TXNRD1: variants seen among roughly 807,000 people sequenced by gnomAD.
The protein encoded by TXNRD1 is thioredoxin reductase 1, also known as thioredoxin reductase 1, cytoplasmic.
TXNRD1 carries 57 observed loss-of-function variants against 80.3 expected under a neutral mutation model. The observed-to-expected ratio is 0.71, with a 90% CI of 0.57 to 0.89. The LOEUF (loss-of-function observed/expected upper bound fraction) is 0.89. TXNRD1 is among the 40% of genes least tolerant of loss of function. TXNRD1 has a pLI of 0.00. For missense variants in TXNRD1, 730 were observed against 803.0 expected (o/e 0.91, Z 1.10); for synonymous variants, 291 against 285.2 (o/e 1.02, Z -0.20).
At chr12:104,311,494 C>G (rs1315724610) in intron 5 of TXNRD1, 82 bp downstream of exon 5, 6 of 1,513,748 alleles carry the variant, frequency 4.0e-6, no homozygotes, top group Non-Finnish European at 5.3e-6. Context: ...TCTCTCCTCT[C>G]TCTGTGGAAT....
At chr12:104,262,837 CTG>C (rs1203535759) in intron 3 of TXNRD1, among the ~76,000 whole-genome samples, 1 of 151,630 alleles carries the variant, frequency 6.6e-6, no homozygotes, top group Non-Finnish European at 1.5e-5. Context: ...AGTTGAGGGC[CTG>C]TGTACTGCCT....
chr12:104,288,884 G>C (rs747716376), intron 3 of TXNRD1, 47 bp from the exon 4 acceptor site: 30 of 1,613,506 alleles, frequency 1.9e-5, no homozygotes, highest in Admixed American at 3.3e-5. Flanking sequence ...GCCTGTTAGC[G>C]GGGGAGAAGC....
chr12:104,249,316 C>A (rs2033061367), intron 1 of TXNRD1, among the ~76,000 whole-genome samples: 1 of 152,156 alleles, frequency 6.6e-6, no homozygotes, highest in African/African-American at 2.4e-5. Flanking sequence ...CTCCCAAAGG[C>A]CCCTCCTTCT....
chr12:104,326,441 AT>A lies in TXNRD1; in HGVS notation c.1385+20del. 8.6e-7 allele frequency: 1 copy of A among 1,167,100 alleles called. No homozygotes were observed. Among genetic ancestry groups the A allele is most frequent in the Non-Finnish European group, 1.2e-6 (1 of 838,730 alleles). 72.3% of individuals were successfully genotyped at this position (1,167,100 alleles called of 1,614,324 possible). On this transcript the variant is annotated intron_variant, in intron 12 of 16. Transcript: ENST00000525566. ...AATGAAAAGTAAGAAAAAAATCTTT[AT>A]TATGTCATATTTGTGGGATTTTTTT...
intron 2 of TXNRD1, among the ~76,000 whole-genome samples, chr12:104,252,959 C>T (rs1360542247): frequency 6.6e-6 from 1 of 151,732 alleles, no homozygotes; most frequent in Non-Finnish European, 1.5e-5. Flanking sequence ...GCCTCGGCCT[C>T]CCAAAGTGCT....
chr12:104,311,484 TCTCTC>T, intron 5 of TXNRD1, 72 bp downstream of exon 5: 1 of 1,534,964 alleles, frequency 6.5e-7, no homozygotes, highest in East Asian at 2.3e-5. Context: ...CTGACAGGGT[TCTCTC>T]CTCTCTCTGT....
At chr12:104,254,242 C>A (rs1048368669) in intron 2 of TXNRD1, among the ~76,000 whole-genome samples, 1 of 151,934 alleles carries the variant, frequency 6.6e-6, no homozygotes, top group African/African-American at 2.4e-5. Flanking sequence ...TAGAACATAC[C>A]TGAGACATAG....
intron 9 of TXNRD1, 113 bp from the exon 10 acceptor site, chr12:104,320,976 TTA>T (rs2035506496): frequency 9.3e-6 from 7 of 754,116 alleles, no homozygotes. Context: ...AGTAGAATGT[TTA>T]TCATCTTGAA....
rs1483117799 is a variant in TXNRD1, at chr12:104,348,682, C to G, written c.*261C>G. ...GATGCATCCATGAAGTCACCAGTCT[C>G]AAGCCCATGTGGTAGGCGGTGATGG... On this transcript the variant is annotated 3_prime_UTR_variant, in exon 17 of 17. Coordinates refer to ENST00000525566, the MANE Select transcript of TXNRD1 (RefSeq NM_001093771.3). The G allele has an allele frequency of 3.0e-5, 14 of 468,618 alleles. No homozygotes were observed. The highest frequency in any genetic ancestry group is 4.9e-5 in the Non-Finnish European group (13 of 263,052). 29.0% of individuals were successfully genotyped at this position (468,618 alleles called of 1,614,324 possible).
At chr12:104,323,557 G>A (rs1467256376) in intron 10 of TXNRD1, among the ~76,000 whole-genome samples, 153 of 121,606 alleles carry the variant, frequency 1.3e-3, no homozygotes, top group African/African-American at 1.5e-3. Flanking sequence ...CCTCCCGGAC[G>A]GGGCGGCTGG....
intron 16 of TXNRD1, among the ~76,000 whole-genome samples, chr12:104,344,807 C>A (rs2036440585): frequency 6.6e-6 from 1 of 152,168 alleles, no homozygotes. Flanking sequence ...CCACTGTGGT[C>A]AACAGTATGG....
At chr12:104,304,450 TG>T (rs767578368) in intron 4 of TXNRD1, 1 of 1,614,042 alleles carries the variant, frequency 6.2e-7, no homozygotes. Flanking sequence ...ATTTTGTTTT[TG>T]GTTCATTCAA....
intron 3 of TXNRD1, among the ~76,000 whole-genome samples, chr12:104,261,513 C>A (rs1233080200): frequency 6.6e-6 from 1 of 152,058 alleles, no homozygotes; most frequent in Admixed American, 6.6e-5. Context: ...ATTTTTCAGA[C>A]TATTCTTATC....
chr12:104,346,507 T>G (rs1018433262), intron 16 of TXNRD1, among the ~76,000 whole-genome samples: 1 of 152,238 alleles, frequency 6.6e-6, no homozygotes, highest in Non-Finnish European at 1.5e-5. Context: ...TTGATAAGCC[T>G]GGAATTTGTT....
chr12:104,297,584 C>G (rs1240889550), intron 4 of TXNRD1, among the ~76,000 whole-genome samples: 1 of 151,988 alleles, frequency 6.6e-6, no homozygotes, highest in Non-Finnish European at 1.5e-5. Flanking sequence ...AGGCTGGTCT[C>G]GAACTCCTGA....
At chr12:104,249,818 C>T (rs2033076557) in intron 1 of TXNRD1, among the ~76,000 whole-genome samples, 1 of 151,468 alleles carries the variant, frequency 6.6e-6, no homozygotes, top group African/African-American at 2.4e-5. Flanking sequence ...GCCTGTAGTC[C>T]CAGCTACTCG....
rs921918620 is a variant in TXNRD1, at chr12:104,349,216, A to C, written c.*795A>C. 1 of 152,210 alleles carries C rather than the reference A, an allele frequency of 6.6e-6. No homozygotes were observed. Among genetic ancestry groups the C allele is most frequent in the Non-Finnish European group, 1.5e-5 (1 of 68,036 alleles). 9.4% of individuals were successfully genotyped at this position (152,210 alleles called of 1,614,324 possible). On this transcript the variant is annotated 3_prime_UTR_variant, in exon 17 of 17. Transcript: ENST00000525566. Reference sequence around the variant, plus strand: ...GGCAGACATACACCAGAAATGGGGGAGAAACAGTACATATCTTTCTGTCTT... The same window carrying C: ...GGCAGACATACACCAGAAATGGGGGCGAAACAGTACATATCTTTCTGTCTT...
intron 3 of TXNRD1, among the ~76,000 whole-genome samples, chr12:104,271,106 T>A (rs1408929058): frequency 6.6e-6 from 1 of 152,116 alleles, no homozygotes; most frequent in African/African-American, 2.4e-5. Flanking sequence ...ACAAGCCTGT[T>A]TATTTCACCT....
At chr12:104,279,264 A>G (rs1221453382) in intron 3 of TXNRD1, among the ~76,000 whole-genome samples, 1 of 152,226 alleles carries the variant, frequency 6.6e-6, no homozygotes, top group African/African-American at 2.4e-5. Context: ...TCAAATACTC[A>G]TAAAAGTATG....
Sources: allele counts gnomAD v4.1 joint callset (sites outside exome capture counted in the v4.1 genomes callset), GRCh38; gene constraint gnomAD v4.1.1; transcripts MANE v1.5; gene names NCBI Gene and HGNC (gene_info 2026-07-23, HGNC 2026-07-21).